Variants in CACNA1D observed in about 807,000 individuals in gnomAD.
CACNA1D encodes calcium voltage-gated channel subunit alpha1 D.
A neutral mutation model predicts 257.1 loss-of-function variants in CACNA1D; 55 were observed. The ratio of observed to expected loss-of-function variants is 0.21; its 90% CI spans 0.17 to 0.27. The LOEUF (loss-of-function observed/expected upper bound fraction) is 0.27. Among genes scored for constraint, CACNA1D ranks in the 10% least tolerant of loss-of-function variants. The probability of loss-of-function intolerance (pLI) is 1.00; values close to 1 mark genes in which losing one functional copy is unlikely to be tolerated. For synonymous variants in CACNA1D, 980 were observed against 1,014.9 expected (o/e 0.97, Z 0.65); for missense variants, 1,876 against 2,784.0 (o/e 0.67, Z 7.34).
At chr3:53,724,856 G>T (rs911750369) in intron 14 of CACNA1D, among the ~76,000 whole-genome samples, 8 of 152,170 alleles carry the variant, frequency 5.3e-5, no homozygotes, top group African/African-American at 1.9e-4. Flanking sequence ...CAAAGGGAAT[G>T]ATCTGGACAA....
intron 8 of CACNA1D, among the ~76,000 whole-genome samples, chr3:53,691,851 A>C (rs1460844767): frequency 1.7e-4 from 19 of 111,802 alleles, no homozygotes; most frequent in Middle Eastern, 3.8e-3. Context: ...CATATATAAT[A>C]TATAATATAT....
chr3:53,505,333 T>TCTC (rs2090793759), intron 3 of CACNA1D, among the ~76,000 whole-genome samples: 1 of 151,926 alleles, frequency 6.6e-6, no homozygotes, highest in African/African-American at 2.4e-5. Flanking sequence ...ATGGTCTCAA[T>TCTC]CTCCTGACCT....
intron 3 of CACNA1D, among the ~76,000 whole-genome samples, chr3:53,550,116 C>T (rs572527424): frequency 1.3e-5 from 2 of 152,112 alleles, no homozygotes; most frequent in African/African-American, 4.8e-5. Flanking sequence ...CACGTTGGCT[C>T]CCATGGAAAG....
rs2095047376 is a variant in CACNA1D at position 53,735,370 on chromosome 3, G to T, written c.2622-4G>T. The stretch of plus-strand genomic sequence containing the variant: ...TGTTTCCAAGCAGCGGCTTTTCCCT[G>T]CAGGATCCGCGTAGGCTGCCACAAG... On this transcript the variant is annotated splice_region_variant and splice_polypyrimidine_tract_variant and intron_variant, in intron 19 of 47. Transcript: ENST00000350061. 1 of 1,613,858 alleles carries T rather than the reference G, an allele frequency of 6.2e-7. No homozygotes were observed. The highest frequency in any genetic ancestry group is 1.7e-5 in the Admixed American group (1 of 60,012).
At chr3:53,718,568 C>A in intron 10 of CACNA1D, 180 bp downstream of exon 10, 1 of 735,156 alleles carries the variant, frequency 1.4e-6, no homozygotes, top group South Asian at 1.5e-5. Context: ...CTCCTGCACA[C>A]CTCCCCACCC....
At chr3:53,517,502 T>A (rs2091388330) in intron 3 of CACNA1D, among the ~76,000 whole-genome samples, 2 of 150,874 alleles carry the variant, frequency 1.3e-5, no homozygotes, top group Non-Finnish European at 1.5e-5. Flanking sequence ...TTTTTTTTTT[T>A]AGACAGAGTC....
intron 3 of CACNA1D, among the ~76,000 whole-genome samples, chr3:53,590,917 C>T (rs907645215): frequency 6.6e-5 from 10 of 152,326 alleles, no homozygotes; most frequent in African/African-American, 2.4e-4. Context: ...ACAGAAGGCC[C>T]TACTGCCTGT....
At chr3:53,660,084 T>A (rs375665928) in intron 4 of CACNA1D, 49 bp from the exon 5 acceptor site, 31 of 1,557,084 alleles carry the variant, frequency 2.0e-5, no homozygotes, top group Non-Finnish European at 2.6e-5. Context: ...CTGTTTTGCG[T>A]CCCTGGGGTA....
chr3:53,537,979 C>G (rs1455890200), intron 3 of CACNA1D, among the ~76,000 whole-genome samples: 2 of 152,042 alleles, frequency 1.3e-5, no homozygotes, highest in Admixed American at 1.3e-4. Flanking sequence ...CACTTAGTAT[C>G]TGATTGTCCT....
intron 3 of CACNA1D, among the ~76,000 whole-genome samples, chr3:53,620,333 C>G (rs995744479): frequency 3.9e-5 from 6 of 152,178 alleles, no homozygotes; most frequent in Non-Finnish European, 8.8e-5. Context: ...TTACTCTGTC[C>G]AGGCTGGAGT....
intron 29 of CACNA1D, among the ~76,000 whole-genome samples, chr3:53,760,433 G>A (rs186926428): frequency 6.6e-5 from 10 of 152,250 alleles, no homozygotes; most frequent in Non-Finnish European, 1.0e-4. Context: ...AATGTACCCC[G>A]TTGTAAACAG....
At chr3:53,694,247 A>G (rs570194570) in intron 8 of CACNA1D, among the ~76,000 whole-genome samples, 190 of 152,288 alleles carry the variant, frequency 1.2e-3, no homozygotes, top group Non-Finnish European at 1.7e-3. Context: ...GGCTCCTTAG[A>G]TGGAGGCTGG....
At chr3:53,682,369 A>AAAAC (rs1362739567) in intron 8 of CACNA1D, among the ~76,000 whole-genome samples, 2 of 82,842 alleles carry the variant, frequency 2.4e-5, no homozygotes, top group African/African-American at 8.8e-5. Context: ...CTCTGGTAAA[A>AAAAC]AAAAAAAAAA....
In CACNA1D at chr3:53,781,467, T is replaced by C. The variant is rs576457706; in HGVS notation, c.4691-99T>C. ...AGTGGAGCCCCATCAGAGGGCAGCA[T>C]GTTCATCCAGGTCAGGCTGGGACAA... On this transcript the variant is annotated intron_variant, in intron 38 of 47. Coordinates refer to ENST00000350061, the MANE Select transcript of CACNA1D (RefSeq NM_001128840.3). The C allele has an allele frequency of 1.9e-4, 152 of 798,226 alleles. 2 individuals carry two copies. In the South Asian group the frequency reaches 2.0e-3, roughly 11 times the overall value. The allele number at this position is 798,226 out of a possible 1,614,324, so 49.4% of individuals were successfully genotyped here. A position where few individuals can be genotyped will look rare whatever the true frequency, so the allele number is the denominator to read the frequency against.
chr3:53,615,620 C>T (rs2093628946), intron 3 of CACNA1D, among the ~76,000 whole-genome samples: 1 of 152,222 alleles, frequency 6.6e-6, no homozygotes, highest in Non-Finnish European at 1.5e-5. Context: ...ATATTCTGTG[C>T]ATTGTTTATT....
intron 8 of CACNA1D, among the ~76,000 whole-genome samples, chr3:53,702,295 T>C (rs542988053): frequency 6.6e-6 from 1 of 152,298 alleles, no homozygotes; most frequent in Admixed American, 6.5e-5. Flanking sequence ...AAGTGGGGCG[T>C]CTCTGAGTTC....
chr3:53,757,479 T>C (rs1401496), intron 29 of CACNA1D, among the ~76,000 whole-genome samples: 8,040 of 152,220 alleles, frequency 0.053, 751 homozygotes, highest in African/African-American at 0.18. Flanking sequence ...TGAGCTTCTA[T>C]GCCTCCCTGC....
In CACNA1D at chr3:53,774,466, C is replaced by T; in HGVS notation, c.4111-121C>T. ...GATCTTTTTTGAATGAGTGAAGTGC[C>T]AGGTACCATGAGAAAACCCTAGCTG... On this transcript the variant is annotated intron_variant, in intron 33 of 47. Transcript: ENST00000350061. This position sits in a 1 kb window ranked among gnomAD's most constrained non-coding sequence, Gnocchi z 4.3. 1 of 715,618 alleles carries T rather than the reference C, an allele frequency of 1.4e-6. No homozygotes were observed. Among genetic ancestry groups the T allele is most frequent in the Non-Finnish European group, 2.6e-6 (1 of 391,314 alleles). The allele number at this position is 715,618 out of a possible 1,614,324, so 44.3% of individuals were successfully genotyped here. A position where few individuals can be genotyped will look rare whatever the true frequency, so the allele number is the denominator to read the frequency against.
At chr3:53,577,695 T>C (rs1366787044) in intron 3 of CACNA1D, among the ~76,000 whole-genome samples, 1 of 152,002 alleles carries the variant, frequency 6.6e-6, no homozygotes, top group Non-Finnish European at 1.5e-5. Flanking sequence ...AGTGTGAGAT[T>C]ACAACAGTGG....
Sources: allele counts gnomAD v4.1 joint callset (sites outside exome capture counted in the v4.1 genomes callset), GRCh38; gene constraint gnomAD v4.1.1; non-coding constraint Gnocchi (gnomAD v3.1); transcripts MANE v1.5; gene names NCBI Gene and HGNC (gene_info 2026-07-23, HGNC 2026-07-21).